MGRN1: variants seen among roughly 807,000 people sequenced by gnomAD.
MGRN1 encodes mahogunin ring finger 1, also known as E3 ubiquitin-protein ligase MGRN1.
MGRN1 carries 29 observed loss-of-function variants against 69.2 expected under a neutral mutation model. The observed-to-expected ratio is 0.42, with a 90% CI of 0.31 to 0.57. The LOEUF is 0.57. Ranked by LOEUF, MGRN1 falls within the 20% of genes least tolerant of loss-of-function variation. MGRN1 has a pLI of 0.15. For missense variants in MGRN1, 998 were observed against 796.2 expected, an observed-to-expected ratio of 1.25 and a Z score of -3.05; for synonymous variants, 470 against 344.2, an observed-to-expected ratio of 1.37 and a Z score of -4.04.
In MGRN1 at chr16:4,675,317, C is replaced by T. The variant is rs1487443379; in HGVS notation, c.955+1660C>T. Among the ~76,000 whole-genome samples the T allele has an allele frequency of 5.3e-5, 8 of 152,012 alleles. No homozygotes were observed. In the South Asian group the frequency reaches 1.5e-3, roughly 28 times the overall value. On this transcript the variant is annotated intron_variant, in intron 10 of 16. Transcript: ENST00000262370. ...GTAGAGACAGGGTCTTGCTATGTTG[C>T]CCAGCCTGGTCTCGAACTCTTGGGG...
intron 13 of MGRN1, among the ~76,000 whole-genome samples, chr16:4,682,219 C>T (rs755330107): frequency 1.1e-4 from 17 of 152,206 alleles, no homozygotes; most frequent in Non-Finnish European, 1.5e-4. Context: ...CTGCTCTTGC[C>T]GTTCGCCCGT....
chr16:4,650,179 G>A lies in MGRN1; in HGVS notation c.89-186G>A, dbSNP rs143085165. On this transcript the variant is annotated intron_variant, in intron 1 of 16. Coordinates refer to ENST00000262370, the MANE Select transcript of MGRN1 (RefSeq NM_015246.4). The stretch of plus-strand genomic sequence containing the variant: ...TCAGCTGGGCGTGGTGGTGGGTGCC[G>A]GTAATCCCAGCTACTCGGGAGGCTG... The A allele has an allele frequency of 4.6e-3, 2,292 of 500,378 alleles. 6 individuals are homozygous for A. The highest frequency in any genetic ancestry group is 0.012 in the African/African-American group (615 of 50,544). The allele number at this position is 500,378 out of a possible 1,614,324, so 31.0% of individuals were successfully genotyped here.
At chr16:4,646,602 C>T (rs2078279490) in intron 1 of MGRN1, among the ~76,000 whole-genome samples, 1 of 152,128 alleles carries the variant, frequency 6.6e-6, no homozygotes, top group Admixed American at 6.5e-5. Flanking sequence ...ATGGTGGCAG[C>T]TTCCCCCAGA....
chr16:4,654,170 C>G lies in MGRN1; in HGVS notation c.443+1346C>G, dbSNP rs144168878. On this transcript the variant is annotated intron_variant, in intron 4 of 16. Coordinates refer to ENST00000262370, the MANE Select transcript of MGRN1 (RefSeq NM_015246.4). ...CACCTCCAGGAGCCAAGAGTCACCTCACTGGCACATAAGACACTCCTACCA... is the reference window on the plus strand; with the variant it reads ...CACCTCCAGGAGCCAAGAGTCACCTGACTGGCACATAAGACACTCCTACCA... Among the ~76,000 whole-genome samples the G allele has an allele frequency of 5.0e-3, 765 of 152,246 alleles. 4 individuals are homozygous for G. Among genetic ancestry groups the G allele is most frequent in the Non-Finnish European group, 8.8e-3 (598 of 68,006 alleles).
intron 1 of MGRN1, among the ~76,000 whole-genome samples, chr16:4,641,390 G>C (rs1443461272): frequency 1.4e-5 from 2 of 146,614 alleles, no homozygotes; most frequent in Non-Finnish European, 3.1e-5. Context: ...GCTTGGGCTG[G>C]AGTGCAGTGG....
chr16:4,652,037 C>T lies in MGRN1; in HGVS notation c.282C>T (p.Ser94=). The T allele has an allele frequency of 6.2e-7, 1 of 1,614,038 alleles. No individual in the cohort carries two copies. Among genetic ancestry groups the T allele is most frequent in the South Asian group, 1.1e-5 (1 of 91,086 alleles). Residue 94 remains serine, a synonymous_variant, in exon 3 of 17, where the codon TCC becomes TCT. Transcript: ENST00000262370. Reference sequence around the variant, plus strand: ...GCCTGGTGAACATCCGCAAAGACTCCCTGCGGCTGGTGAGGTAACTTCACC... The same window carrying T: ...GCCTGGTGAACATCCGCAAAGACTCTCTGCGGCTGGTGAGGTAACTTCACC... ...LRSLVNIRKD[S]LRLVRYKDDA...
At position 4,673,742 on chromosome 16, in the gene MGRN1, C is replaced by G; in HGVS notation, c.955+85C>G. 3 of 1,502,742 alleles carry G rather than the reference C, an allele frequency of 2.0e-6. No individual in the cohort carries two copies. In the South Asian group the frequency reaches 3.6e-5, roughly 18 times the overall value. The allele number at this position is 1,502,742 out of a possible 1,614,324, so 93.1% of individuals were successfully genotyped here. On this transcript the variant is annotated intron_variant, in intron 10 of 16. Transcript: ENST00000262370. Reference sequence around the variant, plus strand: ...ACGGTGGTCCTGGGATAGGGGGCCACAGGTCCGTTGATGGCTAAGAAAGAA... The same window carrying G: ...ACGGTGGTCCTGGGATAGGGGGCCAGAGGTCCGTTGATGGCTAAGAAAGAA...
chr16:4,659,851 A>G (rs2078636078), intron 5 of MGRN1, among the ~76,000 whole-genome samples: 1 of 152,218 alleles, frequency 6.6e-6, no homozygotes, highest in Non-Finnish European at 1.5e-5. Context: ...GGCCTGTGTC[A>G]TCAGGGTGGG....
At chr16:4,671,353 G>T (rs760127231) in intron 8 of MGRN1, 38 bp from the exon 9 acceptor site, 6 of 1,606,352 alleles carry the variant, frequency 3.7e-6, no homozygotes, top group Non-Finnish European at 5.1e-6. Flanking sequence ...TCATATGGCA[G>T]TTGGCGAGGG....
At chr16:4,667,024 T>C (rs1207231839) in intron 7 of MGRN1, among the ~76,000 whole-genome samples, 1 of 152,196 alleles carries the variant, frequency 6.6e-6, no homozygotes, top group Non-Finnish European at 1.5e-5. Context: ...CAGTGTGCAC[T>C]GACGTTCATC....
At chr16:4,679,092 C>T (rs1279275627) in intron 11 of MGRN1, among the ~76,000 whole-genome samples, 1 of 152,216 alleles carries the variant, frequency 6.6e-6, no homozygotes, top group Non-Finnish European at 1.5e-5. Flanking sequence ...GCTCCTGGCA[C>T]CACGCTCTCC....
intron 11 of MGRN1, among the ~76,000 whole-genome samples, chr16:4,678,184 T>G (rs1470090666): frequency 6.6e-6 from 1 of 152,182 alleles, no homozygotes; most frequent in African/African-American, 2.4e-5. Flanking sequence ...GTTTCCCCCA[T>G]GCGCTGCTGT....
Position 4,671,441 on chromosome 16 carries a change from G to A in MGRN1, c.777G>A (p.Lys259=). The A allele has an allele frequency of 6.2e-7, 1 of 1,614,082 alleles. No individual in the cohort carries two copies. Residue 259 remains lysine (K), a synonymous_variant, in exon 9 of 17, where the codon AAG becomes AAA. Coordinates refer to ENST00000262370, the MANE Select transcript of MGRN1 (RefSeq NM_015246.4). ...LLQEIYGIEN[K]NNQETKPSDD... ...AGGAGATCTATGGCATTGAGAACAA[G>A]AACAACCAGGAGACCAAGGTGTGTA...
rs57256799 is a variant in MGRN1, at chr16:4,656,882, AAAATAAATAAATAAATAAAT to A, written c.444-336_444-317del. On this transcript the variant is annotated intron_variant, in intron 4 of 16. Transcript: ENST00000262370. ...GCGACAGAGCGAGACTCTTATCTCA[AAAATAAATAAATAAATAAAT>A]AAATAAATAAATAAATAAATAAATA... Among the ~76,000 whole-genome samples the A allele has an allele frequency of 8.3e-3, 1,212 of 146,838 alleles. 9 individuals are homozygous for A. Among genetic ancestry groups the A allele is most frequent in the Middle Eastern group, 0.038 (11 of 288 alleles).
chr16:4,646,569 G>C, intron 1 of MGRN1, among the ~76,000 whole-genome samples: 1 of 152,108 alleles, frequency 6.6e-6, no homozygotes. Flanking sequence ...CTCTCCATGG[G>C]GCTGCTTGGG....
chr16:4,683,045 G>GC, intron 14 of MGRN1, 99 bp downstream of exon 14: 1 of 1,465,514 alleles, frequency 6.8e-7, no homozygotes, highest in Non-Finnish European at 9.1e-7. Context: ...CCGCCTGGGC[G>GC]CCCCCGTGCT....
chr16:4,684,469 T>C (rs775974488), intron 16 of MGRN1, among the ~76,000 whole-genome samples: 3 of 152,212 alleles, frequency 2.0e-5, no homozygotes, highest in Non-Finnish European at 4.4e-5. Context: ...GGGCAGTGTC[T>C]TCTGGGTCAC....
Position 4,647,292 on chromosome 16 carries a change from G to A in MGRN1, c.89-3073G>A, listed in dbSNP as rs139674274. The stretch of plus-strand genomic sequence containing the variant: ...TGAGGTTGGTCTGAGGCCAGCATCC[G>A]GAGACCACCGTGCCCTGAGGCACGG... On this transcript the variant is annotated intron_variant, in intron 1 of 16. Coordinates refer to ENST00000262370, the MANE Select transcript of MGRN1 (RefSeq NM_015246.4). Among the ~76,000 whole-genome samples the A allele has an allele frequency of 2.1e-3, 327 of 152,336 alleles. 3 individuals are homozygous for A. The highest frequency in any genetic ancestry group is 7.5e-3 in the African/African-American group (312 of 41,586).
Position 4,682,823 on chromosome 16 carries a change from C to T in MGRN1, c.1359C>T (p.Ser453=). ...KGRPQSKAPD[S]TLRSPSSPIH... Reference sequence around the variant, plus strand: ...TGCCCACCCTCTCCTCTGTCCCCAGCACCCTACGGTCCCCGTCTTCCCCCA... The same window carrying T: ...TGCCCACCCTCTCCTCTGTCCCCAGTACCCTACGGTCCCCGTCTTCCCCCA... The change falls in exon 14 of 17, where the codon AGC becomes AGT. Residue 453 remains serine, a splice_region_variant and synonymous_variant. Coordinates refer to ENST00000262370, the MANE Select transcript of MGRN1 (RefSeq NM_015246.4). 1 of 1,579,398 alleles carries T rather than the reference C, an allele frequency of 6.3e-7. No individual in the cohort carries two copies. Among genetic ancestry groups the T allele is most frequent in the Non-Finnish European group, 8.6e-7 (1 of 1,158,282 alleles).
Sources: allele counts gnomAD v4.1 joint callset (sites outside exome capture counted in the v4.1 genomes callset), GRCh38; gene constraint gnomAD v4.1.1; transcripts MANE v1.5; gene names NCBI Gene and HGNC (gene_info 2026-07-23, HGNC 2026-07-21).